Variants in SH3TC2 observed in about 807,000 individuals in gnomAD.
SH3TC2 encodes SH3 domain and tetratricopeptide repeat-containing protein 2.
Under a neutral mutation model 124.5 loss-of-function variants are expected in SH3TC2, and 87 were observed. That is an observed-to-expected ratio of 0.70 (90% CI 0.59 to 0.84). The LOEUF (loss-of-function observed/expected upper bound fraction) is 0.84. Among genes scored for constraint, SH3TC2 ranks in the 40% least tolerant of loss-of-function variants. SH3TC2 has a pLI of 0.00. For missense variants in SH3TC2, 1,536 were observed against 1,566.4 expected, an observed-to-expected ratio of 0.98 and a Z score of 0.33; for synonymous variants, 634 against 628.5, an observed-to-expected ratio of 1.01 and a Z score of -0.13.
At chr5:149,036,748 T>G (rs10066549) in intron 8 of SH3TC2, among the ~76,000 whole-genome samples, 187 of 152,258 alleles carry the variant, frequency 1.2e-3, no homozygotes, top group African/African-American at 4.1e-3. Context: ...CCTGGGGAGC[T>G]TTTATCAATA....
chr5:149,021,030 T>C (rs1197108110), intron 12 of SH3TC2, among the ~76,000 whole-genome samples: 1 of 152,198 alleles, frequency 6.6e-6, no homozygotes. Flanking sequence ...AGACCATATG[T>C]TGGGCCACCA....
intron 2 of SH3TC2, 40 bp downstream of exon 2, chr5:149,052,102 C>T: frequency 7.2e-7 from 1 of 1,382,440 alleles, no homozygotes; most frequent in Non-Finnish European, 1.0e-6. Flanking sequence ...TCGCAATACT[C>T]AACATGGAAG....
intron 2 of SH3TC2, among the ~76,000 whole-genome samples, chr5:149,049,733 A>C (rs534145984): frequency 2.0e-5 from 3 of 152,216 alleles, no homozygotes; most frequent in Non-Finnish European, 4.4e-5. Context: ...CAGTGAGTCA[A>C]CATCACACCA....
chr5:149,042,709 G>C lies in SH3TC2; in HGVS notation c.514C>G (p.Leu172Val), dbSNP rs895958440. The C allele has an allele frequency of 6.2e-7, 1 of 1,614,006 alleles. No individual in the cohort carries two copies. Among genetic ancestry groups the C allele is most frequent in the Non-Finnish European group, 8.5e-7 (1 of 1,180,012 alleles). The change falls in exon 5 of 17, where the codon CTC (leucine) becomes GTC (valine). Residue 172 changes from leucine (L) to valine (V), a missense_variant. Physicochemically the swap from Leu to Val is conservative, Grantham distance 32. Around this residue, in one of 3 missense-constraint regions of SH3TC2, gnomAD observed 1,102 missense variants for 1,098.6 expected, o/e 1.00. Transcript: ENST00000515425. ...DKHLETIYLG[L>V]LIQEGHFFCR... The stretch of plus-strand genomic sequence containing the variant: ...CCACACTCACCTTCCTGTATCAGGA[G>C]TCCCAGGTATATTGTTTCCAGGTGT...
In SH3TC2 at chr5:149,044,643, G is replaced by T; in HGVS notation, c.280-5C>A. The stretch of plus-strand genomic sequence containing the variant: ...GACCAACCTTGCTGAGAGGTCCTAC[G>T]TAAAGGAAACAATGAGTCAGCCTGG... On this transcript the variant is annotated splice_polypyrimidine_tract_variant and splice_region_variant and intron_variant, in intron 3 of 16. Coordinates refer to ENST00000515425, the MANE Select transcript of SH3TC2 (RefSeq NM_024577.4). 1.2e-6 allele frequency: 2 copies of T among 1,610,950 alleles called. No individual in the cohort carries two copies. The highest frequency in any genetic ancestry group is 1.7e-6 in the Non-Finnish European group (2 of 1,177,166).
chr5:149,018,467 G>A (rs186889608), intron 12 of SH3TC2, among the ~76,000 whole-genome samples: 1 of 152,306 alleles, frequency 6.6e-6, no homozygotes, highest in Admixed American at 6.5e-5. Context: ...AATCATGGCA[G>A]AAGGTGAAAA....
At chr5:149,009,588 A>G (rs1263909597) in intron 14 of SH3TC2, among the ~76,000 whole-genome samples, 7 of 152,356 alleles carry the variant, frequency 4.6e-5, no homozygotes, top group African/African-American at 1.7e-4. Flanking sequence ...TGAATAAACA[A>G]CTGAACAAAT....
chr5:149,006,276 GC>G, intron 16 of SH3TC2: 3 of 153,578 alleles, frequency 2.0e-5, no homozygotes, highest in Non-Finnish European at 4.3e-5. Flanking sequence ...AAGCAAGCAA[GC>G]AAAAAAAGAA....
At chr5:149,032,884 C>T (rs1285887058) in intron 8 of SH3TC2, among the ~76,000 whole-genome samples, 3 of 152,104 alleles carry the variant, frequency 2.0e-5, no homozygotes, top group Non-Finnish European at 2.9e-5. Flanking sequence ...CTGGGCTGAT[C>T]GCCAGATTCC....
chr5:149,013,405 T>G lies in SH3TC2; in HGVS notation c.3054-671A>C, dbSNP rs1753817456. Among the ~76,000 whole-genome samples the G allele has an allele frequency of 3.3e-5, 5 of 152,322 alleles. No individual in the cohort carries two copies. The South Asian group carries it at 8.3e-4, about 25-fold the overall frequency. Reference sequence around the variant, plus strand: ...AGGCCTCCCCAGCCATATGGAACTGTGAGTCCATTAAACATCCTTCCCTTT... The same window carrying G: ...AGGCCTCCCCAGCCATATGGAACTGGGAGTCCATTAAACATCCTTCCCTTT... On this transcript the variant is annotated intron_variant, in intron 12 of 16. Coordinates refer to ENST00000515425, the MANE Select transcript of SH3TC2 (RefSeq NM_024577.4).
chr5:149,030,190 C>T (rs1364988034), intron 9 of SH3TC2, among the ~76,000 whole-genome samples: 1 of 152,212 alleles, frequency 6.6e-6, no homozygotes, highest in Non-Finnish European at 1.5e-5. Flanking sequence ...GAGTGATGCG[C>T]AAGTTACAAA....
chr5:149,055,527 T>C (rs1754630874), intron 1 of SH3TC2, among the ~76,000 whole-genome samples: 1 of 151,588 alleles, frequency 6.6e-6, no homozygotes, highest in Non-Finnish European at 1.5e-5. Context: ...CAAGTGTTTG[T>C]GAGGATATAG....
At chr5:149,061,530 A>C (rs1377509215) in intron 1 of SH3TC2, among the ~76,000 whole-genome samples, 1 of 152,210 alleles carries the variant, frequency 6.6e-6, no homozygotes, top group African/African-American at 2.4e-5. Flanking sequence ...TGTAGACTTA[A>C]TCTCCACCAC....
intron 12 of SH3TC2, among the ~76,000 whole-genome samples, chr5:149,016,247 G>A (rs1753871288): frequency 1.3e-5 from 2 of 152,086 alleles, no homozygotes; most frequent in African/African-American, 2.4e-5. Context: ...CAAGTAATAA[G>A]CCCTGTTTAA....
rs749206146 is a variant in SH3TC2, at chr5:149,004,131, G to A, written c.*580C>T. On this transcript the variant is annotated 3_prime_UTR_variant, in exon 17 of 17. Transcript: ENST00000515425. Reference sequence around the variant, plus strand: ...AGATGGTGAATCCAAGTCAGGTTTCGTGCAATCCATCTGGCCATTCTGAGG... The same window carrying A: ...AGATGGTGAATCCAAGTCAGGTTTCATGCAATCCATCTGGCCATTCTGAGG... The A allele has an allele frequency of 4.4e-5, 8 of 182,526 alleles. No individual in the cohort carries two copies. The highest frequency in any genetic ancestry group is 8.1e-5 in the Non-Finnish European group (7 of 86,208). 11.3% of individuals were successfully genotyped at this position (182,526 alleles called of 1,614,324 possible).
chr5:149,056,868 A>G (rs1457193789), intron 1 of SH3TC2, among the ~76,000 whole-genome samples: 1 of 152,218 alleles, frequency 6.6e-6, no homozygotes, highest in African/African-American at 2.4e-5. Context: ...GAGATGATTC[A>G]AGGCAACAAA....
chr5:149,051,878 A>G (rs893678482), intron 2 of SH3TC2, among the ~76,000 whole-genome samples: 7 of 152,226 alleles, frequency 4.6e-5, no homozygotes, highest in Non-Finnish European at 1.0e-4. Context: ...CTAATTTATG[A>G]TATACTTTCT....
Position 148,986,160 on chromosome 5 carries a change from G to A in SH3TC2, c.*18551C>T, listed in dbSNP as rs1753329515. Among the ~76,000 whole-genome samples, 1 of 152,156 alleles carries A rather than the reference G, an allele frequency of 6.6e-6. No homozygotes were observed. Among genetic ancestry groups the A allele is most frequent in the South Asian group, 2.1e-4 (1 of 4,824 alleles). On this transcript the variant is annotated 3_prime_UTR_variant, in exon 17 of 17. Coordinates refer to ENST00000515425, the MANE Select transcript of SH3TC2 (RefSeq NM_024577.4). ...CCTATTTTACTGCCCGTGTGAACTT[G>A]GGTATGTTACATAACTGCCTTAAAC...
intron 3 of SH3TC2, chr5:149,047,462 T>C (rs1322177904): frequency 3.9e-6 from 1 of 255,378 alleles, no homozygotes; most frequent in Non-Finnish European, 7.8e-6. Context: ...TAAAAAATGA[T>C]TAAAATGGAA....
Sources: allele counts gnomAD v4.1 joint callset (sites outside exome capture counted in the v4.1 genomes callset), GRCh38; gene constraint gnomAD v4.1.1; regional missense constraint gnomAD v4.1.1; transcripts MANE v1.5; gene names NCBI Gene and HGNC (gene_info 2026-07-23, HGNC 2026-07-21).